Variants in SLC25A21 observed in about 807,000 individuals in gnomAD.
The protein encoded by SLC25A21 is solute carrier family 25 member 21.
Under a neutral mutation model 43.8 loss-of-function variants are expected in SLC25A21, and 47 were observed. That is an observed-to-expected ratio of 1.07 (90% CI 0.85 to 1.37). The LOEUF (loss-of-function observed/expected upper bound fraction) is 1.37, where lower values mean the gene tolerates loss of function less well. Ranked by LOEUF, SLC25A21 falls within the 40% of genes most tolerant of loss-of-function variation. The pLI, the probability that SLC25A21 is intolerant of heterozygous loss-of-function variation, is 0.00. For synonymous variants in SLC25A21, 131 were observed against 121.3 expected (o/e 1.08, Z -0.52); for missense variants, 352 against 350.2 (o/e 1.00, Z -0.04).
intron 3 of SLC25A21, among the ~76,000 whole-genome samples, chr14:36,798,408 C>T (rs1191404357): frequency 6.6e-6 from 1 of 152,046 alleles, no homozygotes; most frequent in Non-Finnish European, 1.5e-5. Flanking sequence ...ATGTATTTTC[C>T]AACTGGTCAC....
chr14:36,813,725 A>G (rs921805836), intron 3 of SLC25A21, among the ~76,000 whole-genome samples, 193 bp downstream of exon 3: 7 of 152,184 alleles, frequency 4.6e-5, no homozygotes, highest in African/African-American at 1.7e-4. Context: ...CTAGTTATTA[A>G]TATCTTCTTG....
At chr14:37,121,808 C>T (rs1428143594) in intron 1 of SLC25A21, among the ~76,000 whole-genome samples, 1 of 149,048 alleles carries the variant, frequency 6.7e-6, no homozygotes, top group Admixed American at 6.7e-5. Flanking sequence ...CAAAAAAAAA[C>T]AAAGCAAAAA....
chr14:36,913,007 G>T (rs1891733853), intron 1 of SLC25A21, among the ~76,000 whole-genome samples: 1 of 151,928 alleles, frequency 6.6e-6, no homozygotes, highest in Non-Finnish European at 1.5e-5. Flanking sequence ...CCACTCACTA[G>T]AGCTGTCCTT....
At chr14:36,742,241 C>G (rs1400070579) in intron 3 of SLC25A21, among the ~76,000 whole-genome samples, 1 of 152,150 alleles carries the variant, frequency 6.6e-6, no homozygotes, top group Admixed American at 6.5e-5. Flanking sequence ...TGAAGGCATA[C>G]AATATCCTCT....
intron 3 of SLC25A21, among the ~76,000 whole-genome samples, chr14:36,782,972 A>C (rs1433146801): frequency 6.7e-6 from 1 of 150,372 alleles, no homozygotes; most frequent in East Asian, 1.9e-4. Context: ...TAAATAAATA[A>C]AAAAATAAAA....
chr14:36,930,064 G>T (rs1892246463), intron 1 of SLC25A21, among the ~76,000 whole-genome samples: 1 of 152,152 alleles, frequency 6.6e-6, no homozygotes, highest in Non-Finnish European at 1.5e-5. Context: ...GAGCTGTCCA[G>T]CCAGTCATTG....
At chr14:36,850,562 G>C (rs1365987770) in intron 2 of SLC25A21, among the ~76,000 whole-genome samples, 5 of 152,268 alleles carry the variant, frequency 3.3e-5, no homozygotes, top group Admixed American at 6.5e-5. Flanking sequence ...CCTCAGATTT[G>C]ACTGTCTTTT....
At chr14:37,142,453 T>A (rs1230813789) in intron 1 of SLC25A21, among the ~76,000 whole-genome samples, 2 of 152,232 alleles carry the variant, frequency 1.3e-5, no homozygotes, top group Non-Finnish European at 2.9e-5. Flanking sequence ...CTCAGCTACC[T>A]GGGCTCAAGC....
intron 7 of SLC25A21, among the ~76,000 whole-genome samples, chr14:36,705,696 A>G (rs961676339): frequency 6.6e-6 from 1 of 152,206 alleles, no homozygotes; most frequent in Non-Finnish European, 1.5e-5. Flanking sequence ...TACTTTGAAG[A>G]TGAAAAACAC....
At chr14:36,702,298 G>A (rs537509106) in intron 7 of SLC25A21, among the ~76,000 whole-genome samples, 43 of 151,686 alleles carry the variant, frequency 2.8e-4, no homozygotes, top group Non-Finnish European at 4.7e-4. Flanking sequence ...TCAGGTTGGC[G>A]TGGTTTGTCC....
intron 3 of SLC25A21, among the ~76,000 whole-genome samples, chr14:36,736,952 A>T (rs1037074984): frequency 6.6e-6 from 1 of 152,184 alleles, no homozygotes; most frequent in African/African-American, 2.4e-5. Flanking sequence ...GAACGGTCTA[A>T]AGATAGAATG....
At chr14:36,968,377 C>A (rs17767350) in intron 1 of SLC25A21, among the ~76,000 whole-genome samples, 12,638 of 152,158 alleles carry the variant, frequency 0.083, 676 homozygotes, top group South Asian at 0.16. Context: ...CCTGACAAGC[C>A]CGGCTTATTA....
chr14:36,887,562 C>CGAAA (rs1566711155), intron 1 of SLC25A21, among the ~76,000 whole-genome samples: 1 of 141,932 alleles, frequency 7.0e-6, no homozygotes. Flanking sequence ...GACTCCATTG[C>CGAAA]AAAAAAAAAA....
chr14:36,709,554 A>G (rs1883739540), intron 7 of SLC25A21, among the ~76,000 whole-genome samples: 1 of 152,216 alleles, frequency 6.6e-6, no homozygotes, highest in Non-Finnish European at 1.5e-5. Flanking sequence ...ACTGTGGCCA[A>G]TCAAGGATTT....
At chr14:37,104,315 C>T (rs1962873025) in intron 1 of SLC25A21, among the ~76,000 whole-genome samples, 1 of 151,742 alleles carries the variant, frequency 6.6e-6, no homozygotes. Flanking sequence ...TCTCATCAGA[C>T]ATAGAACCTG....
intron 1 of SLC25A21, among the ~76,000 whole-genome samples, chr14:37,147,051 A>G (rs2078246): frequency 0.92 from 139,600 of 152,100 alleles, 64,941 homozygotes; most frequent in Non-Finnish European, 1. Context: ...CCATTTATTC[A>G]TTGCACAAGG....
chr14:36,764,083 G>A (rs12887753), intron 3 of SLC25A21, among the ~76,000 whole-genome samples: 2,606 of 19,396 alleles, frequency 0.13, 240 homozygotes, highest in Non-Finnish European at 0.19. Context: ...AAAGAAAGAA[G>A]GAAGGAAGGA....
chr14:36,699,542 GC>G (rs1883187313), intron 7 of SLC25A21, among the ~76,000 whole-genome samples: 1 of 152,216 alleles, frequency 6.6e-6, no homozygotes, highest in South Asian at 2.1e-4. Context: ...ATTCAGCTAT[GC>G]CTTACCCACA....
In SLC25A21 at chr14:36,909,605, T is replaced by G. The variant is rs533680812; in HGVS notation, c.71-34601A>C. On this transcript the variant is annotated intron_variant, in intron 1 of 9. Transcript: ENST00000331299. The stretch of plus-strand genomic sequence containing the variant: ...TATAGAAAGTATTATTCCAAATTCA[T>G]GGGTTTTTCTTCTCATTCAGGACAT... Among the ~76,000 whole-genome samples the G allele has an allele frequency of 2.9e-4, 44 of 152,330 alleles. No homozygotes were observed. The South Asian group carries it at 8.7e-3, about 30-fold the overall frequency.
Sources: allele counts gnomAD v4.1 joint callset (sites outside exome capture counted in the v4.1 genomes callset), GRCh38; gene constraint gnomAD v4.1.1; transcripts MANE v1.5; gene names NCBI Gene and HGNC (gene_info 2026-07-23, HGNC 2026-07-21).